TLN2: variants seen among roughly 807,000 people sequenced by gnomAD.
TLN2 encodes talin-2.
In TLN2, 118 loss-of-function variants were observed where a neutral mutation model predicts 294.7. The observed-to-expected ratio is 0.40, with a 90% confidence interval of 0.34 to 0.47. The LOEUF is 0.47. TLN2 is among the 20% of genes least tolerant of loss of function. TLN2 has a pLI of 0.84. For missense variants in TLN2, 3,083 were observed against 3,282.2 expected (o/e 0.94, Z 1.48); for synonymous variants, 1,431 against 1,304.5 (o/e 1.10, Z -2.09).
Position 62,796,145 on chromosome 15 carries a change from G to A in TLN2, c.5902G>A (p.Ala1968Thr). Residue 1968 changes from alanine to threonine, a missense_variant, in exon 47 of 59, where the codon GCT (alanine) becomes ACT (threonine). Physicochemically the swap from Ala to Thr is moderately conservative, Grantham distance 58. Transcript: ENST00000636159. ...CCTACAGGTCTCCTTGGTGCTCTCG[G>A]CTCTCCAGGCCGGGAACAAAGGAAC... ...VTEKVSLVLS[A>T]LQAGNKGTQA... The A allele has an allele frequency of 1.2e-6, 2 of 1,614,162 alleles. No homozygotes were observed. The highest frequency in any genetic ancestry group is 1.7e-6 in the Non-Finnish European group (2 of 1,180,016).
chr15:62,393,864 T>C (rs1310781444), intron 1 of TLN2, among the ~76,000 whole-genome samples: 5 of 150,896 alleles, frequency 3.3e-5, no homozygotes, highest in Non-Finnish European at 5.9e-5. Flanking sequence ...TTTTTTTTTT[T>C]CCGAGATGGA....
At chr15:62,722,237 C>A in intron 25 of TLN2, 116 bp from the exon 26 acceptor site, 1 of 1,222,564 alleles carries the variant, frequency 8.2e-7, no homozygotes, top group South Asian at 2.0e-5. Flanking sequence ...GTTTAATATT[C>A]CTTTTTTTTA....
chr15:62,719,052 G>A (rs1175276324), intron 24 of TLN2, among the ~76,000 whole-genome samples: 1 of 152,172 alleles, frequency 6.6e-6, no homozygotes, highest in Non-Finnish European at 1.5e-5. Context: ...TATCCACAAC[G>A]ATGGCCACAG....
At chr15:62,557,644 T>C (rs191399397) in intron 1 of TLN2, among the ~76,000 whole-genome samples, 117 of 152,248 alleles carry the variant, frequency 7.7e-4, no homozygotes, top group African/African-American at 2.6e-3. Flanking sequence ...CGGGCTCAAG[T>C]GATTCTCCTC....
At chr15:62,542,734 C>T (rs909627370) in intron 1 of TLN2, among the ~76,000 whole-genome samples, 3 of 152,126 alleles carry the variant, frequency 2.0e-5, no homozygotes, top group Admixed American at 2.0e-4. Flanking sequence ...TGTCCTAGGA[C>T]TGTCTTGGCT....
chr15:62,498,442 C>T (rs571618887), intron 1 of TLN2, among the ~76,000 whole-genome samples: 1 of 152,254 alleles, frequency 6.6e-6, no homozygotes, highest in Admixed American at 6.5e-5. Context: ...CCTGGAAGGC[C>T]TCCTGAGGAG....
At chr15:62,759,146 G>C (rs1223341375) in intron 37 of TLN2, among the ~76,000 whole-genome samples, 1 of 152,160 alleles carries the variant, frequency 6.6e-6, no homozygotes, top group Non-Finnish European at 1.5e-5. Flanking sequence ...AAACTCTCAT[G>C]CTTGCTTGAA....
At chr15:62,591,215 AT>A (rs767368676) in intron 2 of TLN2, among the ~76,000 whole-genome samples, 17 of 152,214 alleles carry the variant, frequency 1.1e-4, no homozygotes, top group Non-Finnish European at 2.5e-4. Flanking sequence ...TGTATTTAGC[AT>A]TATGAAAATG....
chr15:62,658,428 T>C (rs952236741), intron 9 of TLN2, among the ~76,000 whole-genome samples: 2 of 152,174 alleles, frequency 1.3e-5, no homozygotes, highest in East Asian at 1.9e-4. Flanking sequence ...GAGTATGCCT[T>C]TGAGTAAGAA....
At chr15:62,503,482 G>A (rs1479963030) in intron 1 of TLN2, among the ~76,000 whole-genome samples, 1 of 152,218 alleles carries the variant, frequency 6.6e-6, no homozygotes, top group South Asian at 2.1e-4. Flanking sequence ...TAAGTGATTA[G>A]TGGTTCAGTC....
intron 3 of TLN2, among the ~76,000 whole-genome samples, chr15:62,625,759 T>C (rs2140872954): frequency 6.6e-6 from 1 of 152,306 alleles, no homozygotes; most frequent in Admixed American, 6.5e-5. Context: ...TCCAGGCAAT[T>C]CTGGGCTTCT....
intron 1 of TLN2, among the ~76,000 whole-genome samples, chr15:62,416,363 C>G (rs983879682): frequency 7.9e-5 from 12 of 152,118 alleles, no homozygotes; most frequent in Non-Finnish European, 1.6e-4. Context: ...AACCTCTCCA[C>G]AAAGGTAGAA....
At chr15:62,640,458 G>C in intron 3 of TLN2, 1 of 423,662 alleles carries the variant, frequency 2.4e-6, no homozygotes, top group Non-Finnish European at 4.7e-6. Context: ...CTCTGGTCTT[G>C]CCAGGTGGGC....
chr15:62,471,335 A>T (rs1226163394), intron 1 of TLN2, among the ~76,000 whole-genome samples: 1 of 152,222 alleles, frequency 6.6e-6, no homozygotes, highest in Admixed American at 6.5e-5. Context: ...ACAGAACGTG[A>T]TCCTTCCTCA....
intron 42 of TLN2, among the ~76,000 whole-genome samples, chr15:62,775,094 C>T (rs1018811136): frequency 1.3e-5 from 2 of 151,706 alleles, no homozygotes; most frequent in Non-Finnish European, 2.9e-5. Flanking sequence ...GTAGCTGGGA[C>T]TACAGGCGCC....
chr15:62,696,869 G>T (rs2058378356), intron 14 of TLN2, among the ~76,000 whole-genome samples: 1 of 152,108 alleles, frequency 6.6e-6, no homozygotes, highest in Non-Finnish European at 1.5e-5. Flanking sequence ...TGGACCTGAG[G>T]ACCCGAGGGA....
At chr15:62,796,746 C>T (rs1285991459) in intron 47 of TLN2, among the ~76,000 whole-genome samples, 3 of 152,196 alleles carry the variant, frequency 2.0e-5, no homozygotes, top group Non-Finnish European at 4.4e-5. Context: ...ATGTCCTATA[C>T]CTTTCTTCCC....
intron 42 of TLN2, among the ~76,000 whole-genome samples, chr15:62,772,197 TCCTCCCCATTTAG>T (rs755852519): frequency 6.6e-6 from 1 of 152,064 alleles, no homozygotes; most frequent in Non-Finnish European, 1.5e-5. Flanking sequence ...CCTCGAGCAA[TCCTCCCCATTTAG>T]CCTCCCAAGT....
Position 62,832,091 on chromosome 15 carries a change from T to G in TLN2, c.7003-1413T>G, listed in dbSNP as rs533212156. 2.7e-5 allele frequency: 4 copies of G among 147,880 alleles called. No individual in the cohort carries two copies. The East Asian group carries it at 6.1e-4, about 23-fold the overall frequency. The allele number at this position is 147,880 out of a possible 1,614,324, so 9.2% of individuals were successfully genotyped here. On this transcript the variant is annotated intron_variant, in intron 54 of 58. Coordinates refer to ENST00000636159, the MANE Select transcript of TLN2 (RefSeq NM_015059.3). The stretch of plus-strand genomic sequence containing the variant: ...CTCACTGTAAAAATAAGGATAAAGA[T>G]AATTCCAATATACGATCTTTTTTTT...
Sources: allele counts gnomAD v4.1 joint callset (sites outside exome capture counted in the v4.1 genomes callset), GRCh38; gene constraint gnomAD v4.1.1; transcripts MANE v1.5; gene names NCBI Gene and HGNC (gene_info 2026-07-23, HGNC 2026-07-21).